Variants in CCNJL observed in about 807,000 individuals in gnomAD.
CCNJL encodes the protein cyclin J like.
Under a neutral mutation model 33.4 loss-of-function variants are expected in CCNJL, and 33 were observed. The ratio of observed to expected loss-of-function variants is 0.99; its 90% CI spans 0.75 to 1.32. The LOEUF (loss-of-function observed/expected upper bound fraction) is 1.32. Among genes scored for constraint, CCNJL ranks in the 40% most tolerant of loss-of-function variants. The probability of loss-of-function intolerance (pLI) is 0.00; values close to 1 mark genes in which losing one functional copy is unlikely to be tolerated. For synonymous variants in CCNJL, 227 were observed against 220.9 expected, an observed-to-expected ratio of 1.03 and a Z score of -0.24; for missense variants, 512 against 499.7, an observed-to-expected ratio of 1.02 and a Z score of -0.23.
At position 160,249,954 on chromosome 5, in the gene CCNJL, T is replaced by G. The variant is rs1760764284; in HGVS notation, c.*3424A>C. 6.6e-6 allele frequency: 1 copy of G among 152,012 alleles called. No homozygotes were observed. The highest frequency in any genetic ancestry group is 2.4e-5 in the African/African-American group (1 of 41,372). 9.4% of individuals were successfully genotyped at this position (152,012 alleles called of 1,614,324 possible). On this transcript the variant is annotated 3_prime_UTR_variant, in exon 6 of 6. Transcript: ENST00000257536. Reference sequence around the variant, plus strand: ...GGTCCCCACCCCTCCTAGAGAAGGCTCCAGGTCATTCTGCAGCTTGCTCAG... The same window carrying G: ...GGTCCCCACCCCTCCTAGAGAAGGCGCCAGGTCATTCTGCAGCTTGCTCAG...
At chr5:160,265,321 C>G (rs1761528683) in intron 3 of CCNJL, among the ~76,000 whole-genome samples, 1 of 152,212 alleles carries the variant, frequency 6.6e-6, no homozygotes, top group Non-Finnish European at 1.5e-5. Context: ...AAAGCCACAG[C>G]TGGCTACTTT....
At chr5:160,336,667 T>C (rs1763686971) in intron 1 of CCNJL, among the ~76,000 whole-genome samples, 1 of 152,202 alleles carries the variant, frequency 6.6e-6, no homozygotes, top group South Asian at 2.1e-4. Context: ...ACAATGTTTC[T>C]CAAAACAAAC....
At chr5:160,303,747 A>AGTG (rs1554123434) in intron 2 of CCNJL, among the ~76,000 whole-genome samples, 1 of 138,236 alleles carries the variant, frequency 7.2e-6, no homozygotes, top group Non-Finnish European at 1.6e-5. Flanking sequence ...TGTGTGTGTA[A>AGTG]TAACTCAAAA....
chr5:160,299,719 G>A (rs1481450114), intron 2 of CCNJL, among the ~76,000 whole-genome samples: 1 of 151,836 alleles, frequency 6.6e-6, no homozygotes, highest in Non-Finnish European at 1.5e-5. Flanking sequence ...GGGTATGTGA[G>A]GACTCATTCT....
At chr5:160,324,092 T>C (rs1047935495) in intron 1 of CCNJL, among the ~76,000 whole-genome samples, 1 of 152,228 alleles carries the variant, frequency 6.6e-6, no homozygotes, top group Non-Finnish European at 1.5e-5. Context: ...CAATTCCTTA[T>C]AATCCATCAG....
At chr5:160,317,568 G>A (rs968836599), upstream of CCNJL, among the ~76,000 whole-genome samples, 6 of 152,166 alleles carry the variant, frequency 3.9e-5, no homozygotes, top group African/African-American at 1.4e-4. Context: ...CAGTGGACCT[G>A]CGATGCATGG....
chr5:160,259,446 T>C (rs1246851241), intron 4 of CCNJL, 23 bp downstream of exon 4: 1 of 1,589,794 alleles, frequency 6.3e-7, no homozygotes, highest in East Asian at 2.2e-5. Context: ...TGGGAGGTCC[T>C]GCCATCGGGT....
intron 3 of CCNJL, among the ~76,000 whole-genome samples, chr5:160,271,852 G>A (rs75600102): frequency 0.022 from 3,372 of 152,292 alleles, 108 homozygotes; most frequent in African/African-American, 0.073. Flanking sequence ...TGCTCTCCAC[G>A]GCAGGAAGGA....
chr5:160,294,600 C>T (rs528847523), intron 2 of CCNJL: 1 of 152,854 alleles, frequency 6.5e-6, no homozygotes, highest in Non-Finnish European at 1.5e-5. Context: ...GGTCCCCCAT[C>T]CAACCCATGG....
chr5:160,337,592 T>C (rs1763698578), intron 1 of CCNJL, among the ~76,000 whole-genome samples: 1 of 151,990 alleles, frequency 6.6e-6, no homozygotes, highest in South Asian at 2.1e-4. Context: ...GAGCCAACCA[T>C]GTTGACTCCC....
upstream of CCNJL, among the ~76,000 whole-genome samples, chr5:160,316,297 C>G (rs1278712540): frequency 6.6e-6 from 1 of 152,164 alleles, no homozygotes; most frequent in East Asian, 1.9e-4. Context: ...ACTAAACTTT[C>G]ATTAAGTGCT....
chr5:160,263,667 T>A (rs1195808278), intron 3 of CCNJL, among the ~76,000 whole-genome samples: 1 of 152,298 alleles, frequency 6.6e-6, no homozygotes, highest in Non-Finnish European at 1.5e-5. Context: ...TTATGTTAGA[T>A]CACTTGATTA....
At position 160,290,007 on chromosome 5, in the gene CCNJL, A is replaced by T. The variant is rs868583513; in HGVS notation, c.67-9269T>A. Among the ~76,000 whole-genome samples the T allele has an allele frequency of 2.6e-5, 4 of 152,314 alleles. No individual in the cohort carries two copies. In the South Asian group the frequency reaches 8.3e-4, roughly 32 times the overall value. On this transcript the variant is annotated intron_variant, in intron 2 of 5. Transcript: ENST00000257536. The stretch of plus-strand genomic sequence containing the variant: ...CATAGCCGGGGAGGGGGAGGAAAAA[A>T]TTCAGCATGTGCTCTTCACACACAG...
At chr5:160,287,922 A>G (rs1433327711) in intron 2 of CCNJL, among the ~76,000 whole-genome samples, 4 of 152,064 alleles carry the variant, frequency 2.6e-5, no homozygotes, top group African/African-American at 4.8e-5. Flanking sequence ...AGGGGAGGGA[A>G]GGGCAGAGGC....
At chr5:160,329,877 G>A (rs374663965) in intron 1 of CCNJL, among the ~76,000 whole-genome samples, 1 of 152,138 alleles carries the variant, frequency 6.6e-6, no homozygotes, top group Non-Finnish European at 1.5e-5. Context: ...TTTGAGACAG[G>A]TATTGTTAGG....
At chr5:160,338,337 T>A (rs1172527448) in intron 1 of CCNJL, among the ~76,000 whole-genome samples, 5 of 152,132 alleles carry the variant, frequency 3.3e-5, no homozygotes, top group East Asian at 1.9e-4. Context: ...AAGGTTGCAG[T>A]GAGCTGAGAT....
intron 2 of CCNJL, among the ~76,000 whole-genome samples, chr5:160,292,883 G>C (rs1048979835): frequency 6.6e-6 from 1 of 152,102 alleles, no homozygotes; most frequent in Non-Finnish European, 1.5e-5. Flanking sequence ...TACATATTCT[G>C]TGTCACACAA....
At chr5:160,261,194 G>A (rs1761314856) in intron 3 of CCNJL, 1 of 152,186 alleles carries the variant, frequency 6.6e-6, no homozygotes, top group East Asian at 1.9e-4. Context: ...CATTCCTGAG[G>A]ACGGCTCAAA....
At chr5:160,328,273 G>A (rs1233936435) in intron 1 of CCNJL, among the ~76,000 whole-genome samples, 1 of 152,170 alleles carries the variant, frequency 6.6e-6, no homozygotes, top group Non-Finnish European at 1.5e-5. Context: ...GAGGAACAGG[G>A]ATTAATCTTC....
Sources: allele counts gnomAD v4.1 joint callset (sites outside exome capture counted in the v4.1 genomes callset), GRCh38; gene constraint gnomAD v4.1.1; transcripts MANE v1.5; gene names NCBI Gene and HGNC (gene_info 2026-07-23, HGNC 2026-07-21).